PDE8B: variants seen among roughly 807,000 people sequenced by gnomAD.
PDE8B encodes high affinity cAMP-specific and IBMX-insensitive 3',5'-cyclic phosphodiesterase 8B.
In PDE8B, 26 loss-of-function variants were observed where a neutral mutation model predicts 101.3. The ratio of observed to expected loss-of-function variants is 0.26; its 90% confidence interval spans 0.19 to 0.36. PDE8B has a LOEUF of 0.36. Ranked by LOEUF, PDE8B falls within the 10% of genes least tolerant of loss-of-function variation. The pLI is 1.00. For synonymous variants in PDE8B, 424 were observed against 429.3 expected, an observed-to-expected ratio of 0.99 and a Z score of 0.15; for missense variants, 810 against 1,163.1, an observed-to-expected ratio of 0.70 and a Z score of 4.42.
chr5:77,165,975 CA>C, the PDE8B span, among the ~76,000 whole-genome samples: 82 of 97,136 alleles, frequency 8.4e-4, no homozygotes, highest in Admixed American at 2.3e-3. Context: ...GAGACTGCCT[CA>C]AAAAAAAAAA....
At chr5:77,104,917 T>G in the PDE8B span, 2 of 152,198 alleles carry the variant, frequency 1.3e-5, no homozygotes. Context: ...ACAGAATGTT[T>G]TCATAACCCT....
At chr5:77,169,582 G>C in the PDE8B span, among the ~76,000 whole-genome samples, 4 of 152,140 alleles carry the variant, frequency 2.6e-5, no homozygotes, top group Non-Finnish European at 5.9e-5. Context: ...AGCAGCATGT[G>C]CAAATACCCG....
chr5:77,370,579 G>A (rs948626948), intron 10 of PDE8B, among the ~76,000 whole-genome samples: 1 of 152,212 alleles, frequency 6.6e-6, no homozygotes, highest in African/African-American at 2.4e-5. Context: ...ACCTAGATTG[G>A]TGCCAGTCTT....
the PDE8B span, among the ~76,000 whole-genome samples, chr5:77,160,917 T>C: frequency 2.0e-5 from 3 of 152,108 alleles, no homozygotes; most frequent in African/African-American, 4.8e-5. Context: ...CCTCCCAAAG[T>C]GCTAGGATTA....
At chr5:77,358,888 A>G (rs1782592586) in intron 10 of PDE8B, among the ~76,000 whole-genome samples, 1 of 152,234 alleles carries the variant, frequency 6.6e-6, no homozygotes, top group South Asian at 2.1e-4. Flanking sequence ...GCCCCAAAAT[A>G]TTTATTGACA....
chr5:77,109,498 A>G, the PDE8B span, among the ~76,000 whole-genome samples: 2 of 152,200 alleles, frequency 1.3e-5, no homozygotes, highest in Admixed American at 6.5e-5. Context: ...TCCCAAGGCT[A>G]TGGGATCTTT....
intron 1 of PDE8B, among the ~76,000 whole-genome samples, chr5:77,232,814 G>A (rs1045888013): frequency 2.0e-5 from 3 of 152,172 alleles, no homozygotes; most frequent in Admixed American, 6.5e-5. Context: ...GAAACCAAGT[G>A]CATCATTGCC....
the PDE8B span, among the ~76,000 whole-genome samples, chr5:77,119,808 G>A: frequency 1.8e-4 from 28 of 152,012 alleles, no homozygotes; most frequent in African/African-American, 6.5e-4. Context: ...CCAGGAGTTC[G>A]AGACCAGCCT....
chr5:77,219,165 TA>T (rs1251323370), intron 1 of PDE8B, among the ~76,000 whole-genome samples: 1 of 152,228 alleles, frequency 6.6e-6, no homozygotes, highest in Non-Finnish European at 1.5e-5. Flanking sequence ...TTCTTTGGTA[TA>T]AACTTGTAGC....
intron 1 of PDE8B, among the ~76,000 whole-genome samples, chr5:77,308,162 AGC>A (rs1771681113): frequency 6.6e-6 from 1 of 152,226 alleles, no homozygotes; most frequent in Admixed American, 6.5e-5. Context: ...ACCTAGTGCC[AGC>A]CCTCAGAGTC....
At chr5:77,203,805 A>C in the PDE8B span, among the ~76,000 whole-genome samples, 94 of 152,300 alleles carry the variant, frequency 6.2e-4, no homozygotes, top group Admixed American at 3.1e-3. Flanking sequence ...GTAAGCATTT[A>C]CTGAATGAAT....
Position 77,427,797 on chromosome 5 carries a change from T to C in PDE8B, c.*1243T>C, listed in dbSNP as rs1561712888. 1 of 152,188 alleles carries C rather than the reference T, an allele frequency of 6.6e-6. No homozygotes were observed. Among genetic ancestry groups the C allele is most frequent in the Non-Finnish European group, 1.5e-5 (1 of 68,030 alleles). 9.4% of individuals were successfully genotyped at this position (152,188 alleles called of 1,614,324 possible). A position where few individuals can be genotyped will look rare whatever the true frequency, so the allele number is the denominator to read the frequency against. ...CTCTTTTACCAGCTGATCCTTCCTA[T>C]GTATTATAAATATTAGACTCCGTAA... On this transcript the variant is annotated 3_prime_UTR_variant, in exon 22 of 22. Transcript: ENST00000264917.
chr5:77,149,563 G>A, the PDE8B span, among the ~76,000 whole-genome samples: 12 of 152,158 alleles, frequency 7.9e-5, no homozygotes, highest in African/African-American at 1.2e-4. Flanking sequence ...AATTTTTAGC[G>A]TACAAGTCTT....
chr5:77,284,312 A>C (rs1247033653), intron 1 of PDE8B, among the ~76,000 whole-genome samples: 1 of 152,170 alleles, frequency 6.6e-6, no homozygotes, highest in Non-Finnish European at 1.5e-5. Context: ...GCAGAGCAGA[A>C]ATTTTTAACT....
At position 77,287,175 on chromosome 5, in the gene PDE8B, T is replaced by C. The variant is rs114416177; in HGVS notation, c.340-24819T>C. 5.2e-3 allele frequency among the ~76,000 whole-genome samples: 790 copies of C among 152,210 alleles called. 8 individuals are homozygous for C. Among genetic ancestry groups the C allele is most frequent in the African/African-American group, 0.019 (770 of 41,564 alleles). On this transcript the variant is annotated intron_variant, in intron 1 of 21. Coordinates refer to ENST00000264917, the MANE Select transcript of PDE8B (RefSeq NM_003719.5). ...TAAAGACCACCCTTTATTATTATTT[T>C]TTTTAGTGCAATAGTTCTAGTAACA... is the stretch of plus-strand genomic sequence containing the variant.
At chr5:77,288,350 T>C (rs1485795220) in intron 1 of PDE8B, among the ~76,000 whole-genome samples, 2 of 152,226 alleles carry the variant, frequency 1.3e-5, no homozygotes, top group African/African-American at 4.8e-5. Flanking sequence ...CTTCAGGGGA[T>C]ATGGACACCA....
At position 77,426,889 on chromosome 5, in the gene PDE8B, T is replaced by A; in HGVS notation, c.*335T>A. On this transcript the variant is annotated 3_prime_UTR_variant, in exon 22 of 22. Transcript: ENST00000264917. ...AAGCAAAGCCTTGGTGCCTGTGAGC[T>A]CATCTCCCAGGATGGTGACTAAGTA... The A allele has an allele frequency of 2.9e-6, 1 of 345,660 alleles. No homozygotes were observed. Among genetic ancestry groups the A allele is most frequent in the Non-Finnish European group, 5.6e-6 (1 of 180,070 alleles). 21.4% of individuals were successfully genotyped at this position (345,660 alleles called of 1,614,324 possible).
At chr5:77,345,156 G>C (rs181708587) in intron 7 of PDE8B, among the ~76,000 whole-genome samples, 2 of 152,268 alleles carry the variant, frequency 1.3e-5, no homozygotes. Flanking sequence ...TTCTTTGACA[G>C]AAATGGGGTT....
chr5:77,097,729 A>ATCTATC, the PDE8B span, among the ~76,000 whole-genome samples: 3 of 68,802 alleles, frequency 4.4e-5, no homozygotes, highest in Non-Finnish European at 1.1e-4. Flanking sequence ...ATATATATAT[A>ATCTATC]TATACATACA....
Sources: gnomAD v4.1 joint callset for allele counts (sites outside exome capture counted in the v4.1 genomes callset) on GRCh38, gnomAD v4.1.1 for gene constraint, MANE v1.5 for transcripts, NCBI Gene and HGNC (gene_info 2026-07-23, HGNC 2026-07-21) for gene names.